CAMK4: variants seen among roughly 807,000 people sequenced by gnomAD.
CAMK4 encodes the protein calcium/calmodulin dependent protein kinase IV.
Under a neutral mutation model 44.9 loss-of-function variants are expected in CAMK4, and 22 were observed. The observed-to-expected ratio is 0.49, with a 90% CI of 0.35 to 0.70. CAMK4 has a LOEUF of 0.70. Among genes scored for constraint, CAMK4 ranks in the 30% least tolerant of loss-of-function variants. The probability of loss-of-function intolerance (pLI) is 0.01; values close to 1 mark genes in which losing one functional copy is unlikely to be tolerated. For synonymous variants in CAMK4, 218 were observed against 215.4 expected, an observed-to-expected ratio of 1.01 and a Z score of -0.11; for missense variants, 498 against 586.8, an observed-to-expected ratio of 0.85 and a Z score of 1.56.
intron 1 of CAMK4, among the ~76,000 whole-genome samples, chr5:111,328,264 G>A (rs930619151): frequency 5.3e-5 from 8 of 151,342 alleles, no homozygotes; most frequent in Non-Finnish European, 1.0e-4. Flanking sequence ...TTATTAAATA[G>A]GGAATCCTTT....
At chr5:111,297,444 A>G (rs1200328770) in intron 1 of CAMK4, among the ~76,000 whole-genome samples, 1 of 152,228 alleles carries the variant, frequency 6.6e-6, no homozygotes, top group Non-Finnish European at 1.5e-5. Flanking sequence ...TCCAATTGAC[A>G]TGAGTGGCTC....
intron 1 of CAMK4, among the ~76,000 whole-genome samples, chr5:111,253,822 A>T (rs1040305358): frequency 1.3e-5 from 2 of 152,168 alleles, no homozygotes; most frequent in East Asian, 3.8e-4. Flanking sequence ...ATGCACATGG[A>T]TATTTCTTCA....
chr5:111,234,553 A>G (rs549678718), intron 1 of CAMK4, among the ~76,000 whole-genome samples: 2 of 152,210 alleles, frequency 1.3e-5, no homozygotes, highest in Non-Finnish European at 2.9e-5. Context: ...CTTCGTGGCA[A>G]ATTTTGCCAA....
intron 1 of CAMK4, among the ~76,000 whole-genome samples, chr5:111,241,454 G>A (rs528024768): frequency 1.3e-4 from 20 of 152,178 alleles, no homozygotes; most frequent in African/African-American, 4.6e-4. Flanking sequence ...GATGTTGCAC[G>A]ATGTCATGTG....
chr5:111,318,286 T>C (rs1748518465), intron 1 of CAMK4, among the ~76,000 whole-genome samples: 1 of 152,148 alleles, frequency 6.6e-6, no homozygotes, highest in Non-Finnish European at 1.5e-5. Flanking sequence ...CAATTCTTTA[T>C]GATCCACATG....
At chr5:111,363,275 C>A (rs1172502567) in intron 2 of CAMK4, among the ~76,000 whole-genome samples, 3 of 152,060 alleles carry the variant, frequency 2.0e-5, no homozygotes, top group Admixed American at 2.0e-4. Context: ...ACTTAAGTGG[C>A]AGGATGAGAA....
chr5:111,406,535 T>A (rs1161204124), intron 5 of CAMK4, among the ~76,000 whole-genome samples: 1 of 152,114 alleles, frequency 6.6e-6, no homozygotes, highest in Non-Finnish European at 1.5e-5. Context: ...ATTTTTTTCT[T>A]TTTACGCTCT....
intron 1 of CAMK4, among the ~76,000 whole-genome samples, chr5:111,328,387 A>G (rs1748996934): frequency 6.6e-6 from 1 of 151,866 alleles, no homozygotes; most frequent in African/African-American, 2.4e-5. Flanking sequence ...TTTTGGTACC[A>G]GTACCTTGCT....
At chr5:111,342,563 T>A (rs1749688298) in intron 1 of CAMK4, among the ~76,000 whole-genome samples, 1 of 3,274 alleles carries the variant, frequency 3.1e-4, no homozygotes, top group Non-Finnish European at 1.1e-3. Context: ...TTGGTGTTGA[T>A]TTTTTTTTAT....
chr5:111,423,307 AAAAG>A (rs1172872809), intron 5 of CAMK4, among the ~76,000 whole-genome samples: 2 of 152,224 alleles, frequency 1.3e-5, no homozygotes, highest in Non-Finnish European at 2.9e-5. Flanking sequence ...TATATTTTGA[AAAAG>A]AAATCTAATT....
intron 8 of CAMK4, 124 bp from the exon 9 acceptor site, chr5:111,478,257 C>T (rs1412928756): frequency 1.4e-5 from 7 of 518,374 alleles, no homozygotes; most frequent in Non-Finnish European, 2.0e-5. Flanking sequence ...CATACTTAAG[C>T]TGAGTAGACT....
At chr5:111,344,738 G>A (rs1434188076) in intron 2 of CAMK4, among the ~76,000 whole-genome samples, 1 of 151,672 alleles carries the variant, frequency 6.6e-6, no homozygotes, top group African/African-American at 2.4e-5. Flanking sequence ...GATAAGCTGA[G>A]GAGGCAAAAG....
At chr5:111,268,484 A>G (rs1750359900) in intron 1 of CAMK4, among the ~76,000 whole-genome samples, 1 of 152,248 alleles carries the variant, frequency 6.6e-6, no homozygotes, top group African/African-American at 2.4e-5. Context: ...CAGCCAAGGA[A>G]TGATCCCCAC....
chr5:111,329,351 C>G (rs1006470256), intron 1 of CAMK4, among the ~76,000 whole-genome samples: 2 of 151,852 alleles, frequency 1.3e-5, no homozygotes, highest in Non-Finnish European at 2.9e-5. Flanking sequence ...CACTCCTATT[C>G]AACATGGTGT....
chr5:111,283,562 A>G (rs115061721), intron 1 of CAMK4, among the ~76,000 whole-genome samples: 2 of 152,332 alleles, frequency 1.3e-5, no homozygotes, highest in Admixed American at 6.5e-5. Flanking sequence ...TGAGGCTCAC[A>G]CTTTCTTGAT....
intron 4 of CAMK4, among the ~76,000 whole-genome samples, chr5:111,379,148 T>G (rs306125): frequency 0.88 from 133,816 of 152,126 alleles, 59,077 homozygotes; most frequent in East Asian, 1. Flanking sequence ...TCTCATGTTT[T>G]TAAATTATAA....
At chr5:111,449,050 TTTTA>T (rs1365022541) in intron 6 of CAMK4, 75 bp from the exon 7 acceptor site, 22 of 659,674 alleles carry the variant, frequency 3.3e-5, no homozygotes, top group Non-Finnish European at 5.0e-5. Flanking sequence ...AATAAGTTAG[TTTTA>T]TTTTTGAATA....
At chr5:111,424,537 T>C (rs1286417933) in intron 5 of CAMK4, among the ~76,000 whole-genome samples, 1 of 141,406 alleles carries the variant, frequency 7.1e-6, no homozygotes, top group Admixed American at 7.4e-5. Context: ...CTCCGCCTCC[T>C]GAGTTCACGC....
rs1456350123 is a variant in CAMK4 at position 111,231,852 on chromosome 5, A to G, written c.161+7208A>G. Among the ~76,000 whole-genome samples the G allele has an allele frequency of 2.6e-5, 4 of 152,218 alleles. No homozygotes were observed. The East Asian group carries it at 7.7e-4, about 29-fold the overall frequency. On this transcript the variant is annotated intron_variant, in intron 1 of 10. Transcript: ENST00000282356. The stretch of plus-strand genomic sequence containing the variant: ...GTAATGGAAACATAACATTTTTAGT[A>G]AATTATAGCTAGACTTGTCCACATG...
Sources: allele counts gnomAD v4.1 joint callset (sites outside exome capture counted in the v4.1 genomes callset), GRCh38; gene constraint gnomAD v4.1.1; transcripts MANE v1.5; gene names NCBI Gene and HGNC (gene_info 2026-07-23, HGNC 2026-07-21).